The following SHISA9 variants were observed in gnomAD, a reference collection of about 807,000 sequenced individuals.
SHISA9 encodes the protein protein shisa-9.
A neutral mutation model predicts 38.0 loss-of-function variants in SHISA9; 13 were observed. That is an observed-to-expected ratio of 0.34 (90% CI 0.22 to 0.54). The LOEUF (loss-of-function observed/expected upper bound fraction) is 0.54. SHISA9 is among the 20% of genes least tolerant of loss of function. SHISA9 has a pLI of 0.91. For synonymous variants in SHISA9, 275 were observed against 242.0 expected (o/e 1.14, Z -1.27); for missense variants, 538 against 575.8 (o/e 0.93, Z 0.67).
chr16:13,284,586 C>T, the SHISA9 span, among the ~76,000 whole-genome samples: 1 of 151,972 alleles, frequency 6.6e-6, no homozygotes, highest in Non-Finnish European at 1.5e-5. Context: ...CTTTATTATG[C>T]ATTTCATTAT....
At chr16:13,075,882 C>T (rs914750609) in intron 2 of SHISA9, among the ~76,000 whole-genome samples, 1 of 152,096 alleles carries the variant, frequency 6.6e-6, no homozygotes, top group East Asian at 1.9e-4. Context: ...GAGGATGGCC[C>T]TGTGCATTCT....
intron 1 of SHISA9, among the ~76,000 whole-genome samples, chr16:12,904,532 G>A (rs1036891917): frequency 1.3e-5 from 2 of 152,192 alleles, no homozygotes; most frequent in Admixed American, 1.3e-4. Flanking sequence ...TCTGCTGGGG[G>A]AAAAATGAAC....
chr16:13,422,244 G>A, the SHISA9 span, among the ~76,000 whole-genome samples: 1 of 152,198 alleles, frequency 6.6e-6, no homozygotes, highest in Non-Finnish European at 1.5e-5. Context: ...CCAGGCTAAA[G>A]CACAAAGTAG....
At chr16:13,426,517 G>A in the SHISA9 span, among the ~76,000 whole-genome samples, 1 of 152,150 alleles carries the variant, frequency 6.6e-6, no homozygotes, top group Admixed American at 6.5e-5. Context: ...GAAGTTTATG[G>A]CCCACCTCAT....
the SHISA9 span, among the ~76,000 whole-genome samples, chr16:13,521,754 CGT>C: frequency 6.6e-6 from 1 of 152,144 alleles, no homozygotes; most frequent in African/African-American, 2.4e-5. Flanking sequence ...AACTGTTTCA[CGT>C]GTGTTACGTT....
chr16:12,976,022 G>A (rs2072157283), intron 2 of SHISA9, among the ~76,000 whole-genome samples: 1 of 151,956 alleles, frequency 6.6e-6, no homozygotes, highest in African/African-American at 2.4e-5. Flanking sequence ...GCAACATGTT[G>A]GAACCAATCA....
chr16:13,255,910 A>T, the SHISA9 span, among the ~76,000 whole-genome samples: 1 of 152,342 alleles, frequency 6.6e-6, no homozygotes, highest in South Asian at 2.1e-4. Flanking sequence ...TCCATACTGC[A>T]GCCAGAATAC....
chr16:13,372,088 C>T, the SHISA9 span, among the ~76,000 whole-genome samples: 19 of 152,242 alleles, frequency 1.2e-4, no homozygotes, highest in East Asian at 3.9e-4. Context: ...AATATCTGCC[C>T]GCGGATTGAT....
the SHISA9 span, among the ~76,000 whole-genome samples, chr16:13,468,427 C>T: frequency 6.6e-6 from 1 of 152,116 alleles, no homozygotes; most frequent in East Asian, 1.9e-4. Context: ...TATCCAATAA[C>T]CACAGATATA....
rs117583118 is a variant in SHISA9 at position 13,074,622 on chromosome 16, T to G, written c.692-128772T>G. On this transcript the variant is annotated intron_variant, in intron 2 of 4. Coordinates refer to ENST00000558583, the MANE Select transcript of SHISA9 (RefSeq NM_001145204.3). The stretch of plus-strand genomic sequence containing the variant: ...GGGAGTACTGCTATTTTTATTGTTA[T>G]CATCATTACTATTATTTTTTTCTTT... Among the ~76,000 whole-genome samples the G allele has an allele frequency of 6.7e-3, 1,019 of 152,218 alleles. 4 individuals carry two copies. The highest frequency in any genetic ancestry group is 0.01 in the Middle Eastern group (3 of 294).
intron 2 of SHISA9, among the ~76,000 whole-genome samples, chr16:13,138,189 A>G (rs1293274260): frequency 6.6e-6 from 1 of 152,216 alleles, no homozygotes; most frequent in African/African-American, 2.4e-5. Context: ...TAGCAACAGC[A>G]GCAGCATCTG....
At chr16:13,193,182 C>G (rs2050903365) in intron 2 of SHISA9, among the ~76,000 whole-genome samples, 1 of 152,102 alleles carries the variant, frequency 6.6e-6, no homozygotes, top group Non-Finnish European at 1.5e-5. Context: ...ATTAGTTTTG[C>G]CAACAGACAA....
intron 2 of SHISA9, among the ~76,000 whole-genome samples, chr16:12,970,016 A>T (rs928139844): frequency 2.0e-5 from 3 of 151,982 alleles, no homozygotes; most frequent in Non-Finnish European, 4.4e-5. Context: ...GGAGAGGCAC[A>T]CAGGGGCTTC....
intron 2 of SHISA9, among the ~76,000 whole-genome samples, chr16:13,199,268 A>AG (rs2050980948): frequency 6.6e-6 from 1 of 152,166 alleles, no homozygotes. Flanking sequence ...TTCCAGGGGT[A>AG]GGGGGGCCTA....
chr16:13,093,650 G>T (rs989826587), intron 2 of SHISA9, among the ~76,000 whole-genome samples: 4 of 152,146 alleles, frequency 2.6e-5, no homozygotes, highest in African/African-American at 9.7e-5. Context: ...TGGTGCTGCA[G>T]TTCGGCCCTG....
the SHISA9 span, among the ~76,000 whole-genome samples, chr16:13,478,157 T>C: frequency 6.6e-6 from 1 of 152,098 alleles, no homozygotes; most frequent in Non-Finnish European, 1.5e-5. Context: ...CGGGGAAACA[T>C]GTTGGGGTCT....
the SHISA9 span, among the ~76,000 whole-genome samples, chr16:13,544,429 G>GGTTTTTT: frequency 9.8e-6 from 1 of 102,116 alleles, no homozygotes; most frequent in African/African-American, 4.0e-5. Context: ...TTTTTTTCTT[G>GGTTTTTT]TTTTTTTTTT....
chr16:13,561,540 T>G, the SHISA9 span, among the ~76,000 whole-genome samples: 1 of 152,204 alleles, frequency 6.6e-6, no homozygotes, highest in Non-Finnish European at 1.5e-5. Flanking sequence ...CAAAATCACT[T>G]CCGCTACTTT....
the SHISA9 span, among the ~76,000 whole-genome samples, chr16:13,432,725 T>C: frequency 6.6e-6 from 1 of 152,154 alleles, no homozygotes; most frequent in South Asian, 2.1e-4. Context: ...AACAGAGTAG[T>C]ATGCAGCCAT....
Sources: allele counts gnomAD v4.1 joint callset (sites outside exome capture counted in the v4.1 genomes callset), GRCh38; gene constraint gnomAD v4.1.1; transcripts MANE v1.5; gene names NCBI Gene and HGNC (gene_info 2026-07-23, HGNC 2026-07-21).